The following GABRA3 variants were observed in gnomAD, a reference collection of about 807,000 sequenced individuals.
GABRA3 encodes the protein gamma-aminobutyric acid type A receptor subunit alpha3.
GABRA3 carries 10 observed loss-of-function variants against 30.1 expected under a neutral mutation model. That is an observed-to-expected ratio of 0.33 (90% confidence interval 0.20 to 0.56). The LOEUF (loss-of-function observed/expected upper bound fraction) is 0.56. GABRA3 is among the 20% of genes least tolerant of loss of function. GABRA3 has a pLI of 0.89. For missense variants in GABRA3, 233 were observed against 392.0 expected (o/e 0.59, Z 3.42); for synonymous variants, 151 against 146.8 (o/e 1.03, Z -0.21).
intron 5 of GABRA3, among the ~76,000 whole-genome samples, chrX:152,237,642 T>G (rs1352304480): frequency 1.8e-5 from 2 of 108,155 alleles, no homozygotes; most frequent in African/African-American, 6.8e-5. Flanking sequence ...GGAATATTCT[T>G]CCATTTGTAT....
At chrX:152,228,809 T>C (rs1938013546) in intron 5 of GABRA3, among the ~76,000 whole-genome samples, 1 of 110,695 alleles carries the variant, frequency 9.0e-6, no homozygotes, top group Non-Finnish European at 1.9e-5. Context: ...CCCTCACCTA[T>C]AAAAAGGAAT....
At chrX:152,170,017 G>A (rs751164030) in intron 9 of GABRA3, among the ~76,000 whole-genome samples, 3 of 111,775 alleles carry the variant, frequency 2.7e-5, no homozygotes, top group Middle Eastern at 4.6e-3. Context: ...TACTGAATGC[G>A]TACTGGGCCA....
intron 1 of GABRA3, among the ~76,000 whole-genome samples, chrX:152,441,237 T>C (rs1229115015): frequency 9.0e-6 from 1 of 111,255 alleles, no homozygotes; most frequent in African/African-American, 3.3e-5. Flanking sequence ...TTTATGCTAA[T>C]TATACATTAA....
intron 5 of GABRA3, among the ~76,000 whole-genome samples, chrX:152,241,274 G>T (rs1409188506): frequency 1.1e-5 from 1 of 93,202 alleles, no homozygotes; most frequent in African/African-American, 3.4e-5. Flanking sequence ...GTGTCAGTGT[G>T]CCCCTGCTGG....
intron 3 of GABRA3, among the ~76,000 whole-genome samples, chrX:152,312,395 T>G (rs940153524): frequency 8.9e-6 from 1 of 112,189 alleles, no homozygotes; most frequent in Admixed American, 9.5e-5. Context: ...AAAAGTCTCC[T>G]TATTTAATAA....
At chrX:152,444,053 A>AT (rs751491992) in intron 1 of GABRA3, among the ~76,000 whole-genome samples, 12 of 108,602 alleles carry the variant, frequency 1.1e-4, no homozygotes, top group African/African-American at 2.7e-4. Flanking sequence ...TTTAGAGGTG[A>AT]TTTTTTTTTT....
intron 3 of GABRA3, among the ~76,000 whole-genome samples, chrX:152,322,924 C>T (rs2124467422): frequency 1.0e-5 from 1 of 95,693 alleles, no homozygotes; most frequent in East Asian, 3.3e-4. Context: ...GCAATCTCGG[C>T]TCACTGCAAC....
chrX:152,291,674 G>C (rs1292784958), intron 3 of GABRA3, among the ~76,000 whole-genome samples: 1 of 111,330 alleles, frequency 9.0e-6, no homozygotes, highest in Non-Finnish European at 1.9e-5. Context: ...TTATTATTTT[G>C]AGATACGTTC....
chrX:152,303,048 A>G (rs1175643090), intron 3 of GABRA3, among the ~76,000 whole-genome samples: 1 of 111,820 alleles, frequency 8.9e-6, no homozygotes, highest in African/African-American at 3.3e-5. Context: ...ATACTGGTGC[A>G]TGTGTCTTTT....
intron 1 of GABRA3, among the ~76,000 whole-genome samples, chrX:152,446,754 A>G (rs1224457991): frequency 1.8e-5 from 2 of 111,516 alleles, no homozygotes; most frequent in Non-Finnish European, 3.8e-5. Context: ...AGGCAAATCA[A>G]GTCCCTCACC....
intron 1 of GABRA3, among the ~76,000 whole-genome samples, chrX:152,372,834 TTA>T (rs1008193866): frequency 1.5e-4 from 17 of 112,282 alleles, no homozygotes; most frequent in African/African-American, 5.2e-4. Flanking sequence ...GGGATTTATA[TTA>T]TAGACACTAC....
chrX:152,406,591 T>TAC (rs1556793470), intron 1 of GABRA3, among the ~76,000 whole-genome samples: 24 of 105,025 alleles, frequency 2.3e-4, no homozygotes, highest in Non-Finnish European at 2.7e-4. Context: ...TATATATATA[T>TAC]ATATTTTTAT....
chrX:152,401,266 G>GTATA (rs747896105), intron 1 of GABRA3, among the ~76,000 whole-genome samples: 2,137 of 97,232 alleles, frequency 0.022, 58 homozygotes, highest in African/African-American at 0.077. Flanking sequence ...TTTAATGTGT[G>GTATA]TATATATATA....
At chrX:152,315,971 ACC>A (rs58520094) in intron 3 of GABRA3, among the ~76,000 whole-genome samples, 1,952 of 29,696 alleles carry the variant, frequency 0.066, 230 homozygotes, top group African/African-American at 0.18. Flanking sequence ...CCGCCCCCCG[ACC>A]CCCCCCCCCC....
chrX:152,417,510 C>T (rs1164194716), intron 1 of GABRA3, among the ~76,000 whole-genome samples: 1 of 104,747 alleles, frequency 9.5e-6, no homozygotes, highest in African/African-American at 3.5e-5. Flanking sequence ...TTTGACCCAG[C>T]CATCCCATTA....
chrX:152,217,870 C>T (rs761609220), intron 6 of GABRA3, among the ~76,000 whole-genome samples: 28 of 110,013 alleles, frequency 2.5e-4, no homozygotes, highest in Non-Finnish European at 3.8e-4. Flanking sequence ...TTTGCTTCGT[C>T]TGTCTGGTGA....
intron 1 of GABRA3, among the ~76,000 whole-genome samples, chrX:152,426,119 A>C (rs779159557): frequency 6.3e-5 from 7 of 111,537 alleles, no homozygotes; most frequent in Non-Finnish European, 1.3e-4. Flanking sequence ...GAAAGGTCAG[A>C]TTCTCTCCCT....
intron 1 of GABRA3, among the ~76,000 whole-genome samples, chrX:152,370,647 T>A (rs1173981217): frequency 1.8e-5 from 2 of 111,694 alleles, no homozygotes; most frequent in Non-Finnish European, 3.8e-5. Flanking sequence ...ATATAGTAAA[T>A]TTTGGTCACT....
At chrX:152,339,306 C>T (rs1940280360) in intron 3 of GABRA3, among the ~76,000 whole-genome samples, 1 of 108,811 alleles carries the variant, frequency 9.2e-6, no homozygotes, top group Admixed American at 9.9e-5. Context: ...CGGCTCATTG[C>T]AACCTCCACC....
Sources: gnomAD v4.1 joint callset for allele counts (sites outside exome capture counted in the v4.1 genomes callset) on GRCh38, gnomAD v4.1.1 for gene constraint, MANE v1.5 for transcripts, NCBI Gene and HGNC (gene_info 2026-07-23, HGNC 2026-07-21) for gene names.